The following TSG101 variants were observed in gnomAD, a reference collection of about 807,000 sequenced individuals.
TSG101 encodes the protein tumor susceptibility 101, also known as tumor susceptibility gene 101 protein.
TSG101 carries 19 observed loss-of-function variants against 48.5 expected under a neutral mutation model. The ratio of observed to expected loss-of-function variants is 0.39; its 90% confidence interval spans 0.27 to 0.58. The LOEUF (loss-of-function observed/expected upper bound fraction) is 0.58, where lower values mean the gene tolerates loss of function less well. TSG101 is among the 20% of genes least tolerant of loss of function. The pLI is 0.55. For synonymous variants in TSG101, 174 were observed against 169.4 expected, an observed-to-expected ratio of 1.03 and a Z score of -0.21; for missense variants, 365 against 484.4, an observed-to-expected ratio of 0.75 and a Z score of 2.31.
chr11:18,489,095 C>G (rs188989078), intron 7 of TSG101, among the ~76,000 whole-genome samples: 111 of 149,770 alleles, frequency 7.4e-4, no homozygotes, highest in Middle Eastern at 6.9e-3. Flanking sequence ...AGCCTGACAA[C>G]ACAGCAAGAC....
intron 2 of TSG101, among the ~76,000 whole-genome samples, chr11:18,517,726 T>C (rs1363187940): frequency 2.0e-5 from 3 of 152,218 alleles, no homozygotes; most frequent in African/African-American, 7.2e-5. Flanking sequence ...GGATATACCA[T>C]CTAGGTTTGT....
intron 3 of TSG101, 24 bp downstream of exon 3, chr11:18,516,075 C>T: frequency 1.2e-6 from 2 of 1,605,576 alleles, no homozygotes; most frequent in Non-Finnish European, 1.7e-6. Flanking sequence ...TGCATCTATG[C>T]TGGAAACCTA....
At chr11:18,517,036 A>G (rs1850189652) in intron 2 of TSG101, among the ~76,000 whole-genome samples, 1 of 152,142 alleles carries the variant, frequency 6.6e-6, no homozygotes, top group African/African-American at 2.4e-5. Context: ...ATTTATCCCT[A>G]GTCGCTCACA....
chr11:18,484,170 C>CGAA (rs1849586949), intron 7 of TSG101, 98 bp from the exon 8 acceptor site: 2 of 1,217,510 alleles, frequency 1.6e-6, no homozygotes, highest in Non-Finnish European at 2.3e-6. Context: ...TGAACCGACA[C>CGAA]TTTCAAAATG....
intron 8 of TSG101, among the ~76,000 whole-genome samples, chr11:18,482,081 A>C (rs1272224916): frequency 1.3e-5 from 2 of 152,236 alleles, no homozygotes; most frequent in African/African-American, 4.8e-5. Context: ...AGATATCCTG[A>C]GGTGACAGCA....
chr11:18,488,897 G>A (rs930615795), intron 7 of TSG101, among the ~76,000 whole-genome samples: 7 of 152,062 alleles, frequency 4.6e-5, no homozygotes, highest in African/African-American at 9.7e-5. Flanking sequence ...AGGCCAAGGC[G>A]GGTGGATCAT....
chr11:18,505,341 C>T (rs898927072), intron 6 of TSG101, among the ~76,000 whole-genome samples: 20 of 151,604 alleles, frequency 1.3e-4, no homozygotes, highest in Non-Finnish European at 2.1e-4. Flanking sequence ...ATTGCATCCT[C>T]GATCTGTAGG....
chr11:18,481,916 A>T, intron 8 of TSG101, 47 bp from the exon 9 acceptor site: 1 of 1,594,888 alleles, frequency 6.3e-7, no homozygotes, highest in Non-Finnish European at 8.5e-7. Flanking sequence ...ATAATTATCC[A>T]CTTGTCAGAC....
At chr11:18,490,265 C>T in intron 7 of TSG101, 1 of 545,838 alleles carries the variant, frequency 1.8e-6, no homozygotes, top group Non-Finnish European at 3.6e-6. Context: ...TCTCCTTCAT[C>T]TTCCTGGTTT....
chr11:18,499,425 T>C (rs866564411), intron 7 of TSG101, among the ~76,000 whole-genome samples: 8 of 109,340 alleles, frequency 7.3e-5, no homozygotes, highest in Admixed American at 2.3e-4. Flanking sequence ...TTTTTTTTTT[T>C]CCTGAGATGG....
chr11:18,483,707 GCTCCACTGTAAAC>G, intron 8 of TSG101, 150 bp downstream of exon 8: 1 of 713,172 alleles, frequency 1.4e-6, no homozygotes, highest in East Asian at 2.7e-5. Context: ...CCAAACATAG[GCTCCACTGTAAAC>G]AAAGGTATAA....
chr11:18,497,498 A>AGGG, intron 7 of TSG101, among the ~76,000 whole-genome samples: 1 of 152,326 alleles, frequency 6.6e-6, no homozygotes, highest in East Asian at 1.9e-4. Context: ...TTCCACATAT[A>AGGG]CCATTTTCCA....
Position 18,516,678 on chromosome 11 carries a change from G to A in TSG101, c.128-514C>T, listed in dbSNP as rs929450490. Among the ~76,000 whole-genome samples, 8 of 151,738 alleles carry A rather than the reference G, an allele frequency of 5.3e-5. No homozygotes were observed. In the South Asian group the frequency reaches 6.2e-4, roughly 12 times the overall value. ...CACCATCGGCCAGGCGCGGTGGTTC[G>A]CGCCTGTAATCCCAGCACTTTGAGA... On this transcript the variant is annotated intron_variant, in intron 2 of 9. Transcript: ENST00000251968.
chr11:18,490,834 T>C (rs539496794), intron 7 of TSG101: 6 of 545,480 alleles, frequency 1.1e-5, no homozygotes, highest in Admixed American at 4.0e-5. Context: ...AGAGCAGATT[T>C]CTCTCTTCGT....
At chr11:18,515,014 T>A (rs979362697) in intron 3 of TSG101, among the ~76,000 whole-genome samples, 173 bp from the exon 4 acceptor site, 1 of 152,086 alleles carries the variant, frequency 6.6e-6, no homozygotes, top group Admixed American at 6.5e-5. Flanking sequence ...AAGTCAGTAA[T>A]CTTAAATTTT....
chr11:18,490,524 T>A (rs1849683004), intron 7 of TSG101: 2 of 492,412 alleles, frequency 4.1e-6, no homozygotes, highest in Admixed American at 2.7e-5. Context: ...TGCTTCCTGG[T>A]AAGCCTGCTG....
chr11:18,523,060 T>C (rs2133935398), intron 1 of TSG101, among the ~76,000 whole-genome samples: 1 of 152,212 alleles, frequency 6.6e-6, no homozygotes, highest in Non-Finnish European at 1.5e-5. Flanking sequence ...CTAATTTTTT[T>C]ATATTTTTAG....
chr11:18,487,967 G>T (rs1849644810), intron 7 of TSG101, among the ~76,000 whole-genome samples: 1 of 152,102 alleles, frequency 6.6e-6, no homozygotes, highest in African/African-American at 2.4e-5. Flanking sequence ...TGTGTAAGGT[G>T]AAACTGGAAC....
chr11:18,486,198 G>A (rs1849618056), intron 7 of TSG101, among the ~76,000 whole-genome samples: 1 of 152,220 alleles, frequency 6.6e-6, no homozygotes, highest in Non-Finnish European at 1.5e-5. Context: ...TTGATTGTCA[G>A]TGCATCCCCA....
Sources: allele counts gnomAD v4.1 joint callset (sites outside exome capture counted in the v4.1 genomes callset), GRCh38; gene constraint gnomAD v4.1.1; transcripts MANE v1.5; gene names NCBI Gene and HGNC (gene_info 2026-07-23, HGNC 2026-07-21).